The following KRT6C variants were observed in gnomAD, a reference collection of about 807,000 sequenced individuals.
KRT6C encodes keratin, type II cytoskeletal 6C.
A neutral mutation model predicts 49.4 loss-of-function variants in KRT6C; 46 were observed. The ratio of observed to expected loss-of-function variants is 0.93; its 90% CI spans 0.74 to 1.19. The LOEUF is 1.19. Among genes scored for constraint, KRT6C ranks in the 50% most tolerant of loss-of-function variants. The pLI is 0.00. For missense variants in KRT6C, 552 were observed against 737.5 expected, an observed-to-expected ratio of 0.75 and a Z score of 2.91; for synonymous variants, 236 against 297.1, an observed-to-expected ratio of 0.79 and a Z score of 2.12.
At position 52,471,382 on chromosome 12, in the gene KRT6C, C is replaced by T. The variant is rs1251772227; in HGVS notation, c.912+39G>A. 3 of 1,613,970 alleles carry T rather than the reference C, an allele frequency of 1.9e-6. No homozygotes were observed. The African/African-American group carries it at 4.0e-5, about 22-fold the overall frequency. ...CTATACATCTTCTCCCCTTTGCAGACCCCATCAGAGTAAACAGAAGGATGG... is the reference window on the plus strand; with the variant it reads ...CTATACATCTTCTCCCCTTTGCAGATCCCATCAGAGTAAACAGAAGGATGG... On this transcript the variant is annotated intron_variant, in intron 4 of 8. Coordinates refer to ENST00000252250, the MANE Select transcript of KRT6C (RefSeq NM_173086.5).
At chr12:52,469,359 C>T (rs968915173) in intron 8 of KRT6C, 52 bp downstream of exon 8, 2 of 1,613,912 alleles carry the variant, frequency 1.2e-6, no homozygotes, top group African/African-American at 2.7e-5. Flanking sequence ...CCGGCCTGAG[C>T]CCAGTCAGAA....
rs754984737 is a variant in KRT6C, at chr12:52,469,698, G to A, written c.1396C>T (p.Arg466Cys). The A allele has an allele frequency of 5.3e-5, 85 of 1,614,036 alleles. No individual in the cohort carries two copies. The highest frequency in any genetic ancestry group is 6.8e-5 in the Non-Finnish European group (80 of 1,180,022). The change falls in exon 7 of 9, where the codon CGC becomes TGC. Residue 466 changes from arginine to cysteine, a missense_variant. By Grantham distance (180) the Arg-to-Cys change is radical. Around this residue, in one of 3 missense-constraint regions of KRT6C, gnomAD observed 425 missense variants for 439.4 expected, o/e 0.97. Coordinates refer to ENST00000252250, the MANE Select transcript of KRT6C (RefSeq NM_173086.5). Reference sequence around the variant, plus strand: ...CACTCCTCGCCCTCCAGCAGCTTGCGGTAGGTGGCGATCTCCACATCCAGG... The same window carrying A: ...CACTCCTCGCCCTCCAGCAGCTTGCAGTAGGTGGCGATCTCCACATCCAGG... Reference protein sequence around the residue: ...LALDVEIATYRKLLEGEECRL... With the variant: ...LALDVEIATYCKLLEGEECRL...
intron 1 of KRT6C, among the ~76,000 whole-genome samples, chr12:52,472,535 T>A (rs1937906517): frequency 7.4e-6 from 1 of 134,844 alleles, no homozygotes; most frequent in African/African-American, 2.5e-5. Context: ...GTTTCAACAT[T>A]TCTTCTCTTC....
At chr12:52,469,645 G>A in intron 7 of KRT6C, 25 bp downstream of exon 7, 1 of 1,614,160 alleles carries the variant, frequency 6.2e-7, no homozygotes, top group Non-Finnish European at 8.5e-7. Context: ...CTCAGCTGTT[G>A]GAGGAAGTCG....
chr12:52,472,635 G>A (rs1937907931), intron 1 of KRT6C, among the ~76,000 whole-genome samples: 2 of 135,184 alleles, frequency 1.5e-5, no homozygotes, highest in South Asian at 2.3e-4. Flanking sequence ...ATCTTAGTTA[G>A]GAGAGATATT....
In KRT6C at chr12:52,473,263, C is replaced by A; in HGVS notation, c.475G>T (p.Val159Leu). The A allele has an allele frequency of 6.5e-7, 1 of 1,534,976 alleles. No individual in the cohort carries two copies. The highest frequency in any genetic ancestry group is 8.9e-7 in the Non-Finnish European group (1 of 1,117,924). Residue 159 changes from valine (V) to leucine (L), a missense_variant, in exon 1 of 9, where the codon GTG (valine) becomes TTG (leucine). Val to Leu is a conservative substitution (Grantham distance 32). This residue lies in a region of KRT6C where 54 missense variants were observed against 195.9 expected (regional missense o/e 0.28). Transcript: ENST00000252250. ...ATCTGCTCACGCTCCTCGGCCCGCA[C>A]CCGCTGGATGGCGGGGTCAATTTGC... is the stretch of plus-strand genomic sequence containing the variant. ...NLQIDPAIQR[V>L]RAEEREQIKT...
At chr12:52,469,617 A>T in intron 7 of KRT6C, 53 bp downstream of exon 7, 12 of 1,614,114 alleles carry the variant, frequency 7.4e-6, no homozygotes, top group Non-Finnish European at 9.3e-6. Context: ...GCTCAGTGCC[A>T]GGAACCTTGA....
rs1326200554 is a variant in KRT6C, at chr12:52,471,406, G to A, written c.912+15C>T. 2 of 1,613,886 alleles carry A rather than the reference G, an allele frequency of 1.2e-6. No homozygotes were observed. ...ACCCCATCAGAGTAAACAGAAGGATGGTGGAGATGCTTACTGCATCATACA... is the reference window on the plus strand; with the variant it reads ...ACCCCATCAGAGTAAACAGAAGGATAGTGGAGATGCTTACTGCATCATACA... On this transcript the variant is annotated intron_variant, in intron 4 of 8. Coordinates refer to ENST00000252250, the MANE Select transcript of KRT6C (RefSeq NM_173086.5).
In KRT6C at chr12:52,471,404, A is replaced by G. The variant is rs1454987506; in HGVS notation, c.912+17T>C. The G allele has an allele frequency of 6.2e-7, 1 of 1,613,916 alleles. No homozygotes were observed. Among genetic ancestry groups the G allele is most frequent in the East Asian group, 2.2e-5 (1 of 44,894 alleles). Reference sequence around the variant, plus strand: ...AGACCCCATCAGAGTAAACAGAAGGATGGTGGAGATGCTTACTGCATCATA... The same window carrying G: ...AGACCCCATCAGAGTAAACAGAAGGGTGGTGGAGATGCTTACTGCATCATA... On this transcript the variant is annotated intron_variant, in intron 4 of 8. Coordinates refer to ENST00000252250, the MANE Select transcript of KRT6C (RefSeq NM_173086.5).
intron 2 of KRT6C, 136 bp from the exon 3 acceptor site, chr12:52,471,868 G>A (rs387762): frequency 0.18 from 235,406 of 1,314,098 alleles, 22,025 homozygotes; most frequent in Admixed American, 0.3. Flanking sequence ...AAAGAGATGA[G>A]TTTTGCTACT....
In KRT6C at chr12:52,469,155, G is replaced by C; in HGVS notation, c.1602C>G (p.Ala534=). 6.2e-7 allele frequency: 1 copy of C among 1,614,018 alleles called. No individual in the cohort carries two copies. The highest frequency in any genetic ancestry group is 8.5e-7 in the Non-Finnish European group (1 of 1,179,894). ...GGGFSSSSGR[A]IGGGLSSVGG... ...CAACAGAGCTGAGGCCACCCCCAATGGCTCTGCCACTGCTGGAACTGAAGC... is the reference window on the plus strand; with the variant it reads ...CAACAGAGCTGAGGCCACCCCCAATCGCTCTGCCACTGCTGGAACTGAAGC... The change falls in exon 9 of 9, where the codon GCC becomes GCG. Residue 534 remains alanine (A), a synonymous_variant. Coordinates refer to ENST00000252250, the MANE Select transcript of KRT6C (RefSeq NM_173086.5).
intron 5 of KRT6C, 132 bp from the exon 6 acceptor site, chr12:52,470,762 G>A: frequency 6.3e-7 from 1 of 1,582,052 alleles, no homozygotes; most frequent in Non-Finnish European, 8.7e-7. Flanking sequence ...AGGAAAAGTT[G>A]ATGTTATGTG....
Position 52,468,626 on chromosome 12 carries a change from A to G in KRT6C, c.*436T>C, listed in dbSNP as rs765976074. On this transcript the variant is annotated 3_prime_UTR_variant, in exon 9 of 9. Transcript: ENST00000252250. ...CGACTAGTCACTTGTGCTTCCATGC[A>G]TACTGCGGGGCGGGGGTTCACAATA... 2 of 238,654 alleles carry G rather than the reference A, an allele frequency of 8.4e-6. No individual in the cohort carries two copies. The highest frequency in any genetic ancestry group is 5.1e-5 in the Admixed American group (1 of 19,478). 14.8% of individuals were successfully genotyped at this position (238,654 alleles called of 1,614,324 possible).
At chr12:52,470,733 C>G (rs372589236) in intron 5 of KRT6C, 103 bp from the exon 6 acceptor site, 3 of 1,610,972 alleles carry the variant, frequency 1.9e-6, no homozygotes, top group Non-Finnish European at 8.5e-7. Flanking sequence ...GACCTAATGG[C>G]TTCTCCTCAA....
At chr12:52,470,219 A>C in intron 6 of KRT6C, 1 of 599,676 alleles carries the variant, frequency 1.7e-6, no homozygotes, top group Non-Finnish European at 2.9e-6. Flanking sequence ...ATTTTGAGGA[A>C]TACATCTGGA....
chr12:52,471,837 G>C (rs1475454169), intron 2 of KRT6C, 105 bp from the exon 3 acceptor site: 15 of 1,442,216 alleles, frequency 1.0e-5, no homozygotes, highest in Non-Finnish European at 1.5e-5. Flanking sequence ...TTCTAATTGA[G>C]CTTTCCTGCC....
In KRT6C at chr12:52,471,233, G is replaced by T; in HGVS notation, c.976C>A (p.Arg326Ser). 1.2e-6 allele frequency: 2 copies of T among 1,614,194 alleles called. No homozygotes were observed. The highest frequency in any genetic ancestry group is 1.7e-6 in the Non-Finnish European group (2 of 1,180,032). Residue 326 changes from arginine to serine, a missense_variant, in exon 5 of 9, where the codon CGC becomes AGC. Around this residue, in one of 3 missense-constraint regions of KRT6C, gnomAD observed 425 missense variants for 439.4 expected, o/e 0.97. Coordinates refer to ENST00000252250, the MANE Select transcript of KRT6C (RefSeq NM_173086.5). ...TSVVLSMDNN[R>S]NLDLDSIIAE... ...ATGATGCTGTCCAGGTCCAGGTTGC[G>T]GTTGTTGTCCATGGATAGCACCACG...
At chr12:52,470,083 A>G in intron 6 of KRT6C, 193 bp from the exon 7 acceptor site, 1 of 706,208 alleles carries the variant, frequency 1.4e-6, no homozygotes, top group Non-Finnish European at 2.4e-6. Context: ...TGCCCCTTGT[A>G]TTAAGCACCC....
In KRT6C at chr12:52,469,011, C is replaced by A. The variant is rs575535775; in HGVS notation, c.*51G>T. On this transcript the variant is annotated 3_prime_UTR_variant, in exon 9 of 9. Coordinates refer to ENST00000252250, the MANE Select transcript of KRT6C (RefSeq NM_173086.5). ...TAGGCAACCTGAGGAGACGGCTCTGCAGCCAGAGAAGGGCCTGAGGACTGT... is the reference window on the plus strand; with the variant it reads ...TAGGCAACCTGAGGAGACGGCTCTGAAGCCAGAGAAGGGCCTGAGGACTGT... 2 of 1,611,612 alleles carry A rather than the reference C, an allele frequency of 1.2e-6. No individual in the cohort carries two copies. Among genetic ancestry groups the A allele is most frequent in the African/African-American group, 2.7e-5 (2 of 74,990 alleles).
Sources: gnomAD v4.1 joint callset for allele counts (sites outside exome capture counted in the v4.1 genomes callset) on GRCh38, gnomAD v4.1.1 for gene constraint, gnomAD v4.1.1 regional missense constraint, MANE v1.5 for transcripts, NCBI Gene and HGNC (gene_info 2026-07-23, HGNC 2026-07-21) for gene names.